Variants in SV2C observed in about 807,000 individuals in gnomAD.
SV2C encodes solute carrier family 22 member B3.
SV2C carries 49 observed loss-of-function variants against 79.7 expected under a neutral mutation model. The observed-to-expected ratio is 0.61, with a 90% CI of 0.49 to 0.78. The LOEUF is 0.78. Ranked by LOEUF, SV2C falls within the 30% of genes least tolerant of loss-of-function variation. The pLI is 0.00. For missense variants in SV2C, 833 were observed against 912.9 expected (o/e 0.91, Z 1.13); for synonymous variants, 334 against 333.2 (o/e 1.00, Z -0.03).
chr5:76,260,825 A>G (rs367892884), intron 4 of SV2C, among the ~76,000 whole-genome samples: 44 of 151,236 alleles, frequency 2.9e-4, no homozygotes, highest in East Asian at 1.7e-3. Flanking sequence ...TACCAGTACC[A>G]TGCTATCTTG....
chr5:76,242,312 G>C, intron 4 of SV2C: 2 of 1,467,068 alleles, frequency 1.4e-6, no homozygotes, highest in Non-Finnish European at 1.9e-6. Flanking sequence ...GGCAGCGACG[G>C]CAGCGGGACA....
At chr5:75,879,393 G>C in the SV2C span, among the ~76,000 whole-genome samples, 1 of 152,096 alleles carries the variant, frequency 6.6e-6, no homozygotes, top group Non-Finnish European at 1.5e-5. Context: ...GATACAATGG[G>C]ATACAGACAT....
the SV2C span, among the ~76,000 whole-genome samples, chr5:76,055,082 G>A: frequency 3.3e-5 from 5 of 152,154 alleles, no homozygotes; most frequent in Non-Finnish European, 5.9e-5. Context: ...CCATGCCTAT[G>A]TCCTGAATGG....
upstream of SV2C, among the ~76,000 whole-genome samples, chr5:76,080,802 C>T (rs557114781): frequency 6.6e-6 from 1 of 152,158 alleles, no homozygotes; most frequent in Admixed American, 6.5e-5. Flanking sequence ...TCACTCCATC[C>T]GCTTCTACAA....
At chr5:76,155,130 T>A (rs76252377) in intron 2 of SV2C, among the ~76,000 whole-genome samples, 2,228 of 152,334 alleles carry the variant, frequency 0.015, 59 homozygotes, top group African/African-American at 0.051. Context: ...TGGAGCCATC[T>A]GGCCTTCTAT....
chr5:76,086,260 T>C (rs1430724097), intron 1 of SV2C, among the ~76,000 whole-genome samples: 1 of 152,226 alleles, frequency 6.6e-6, no homozygotes, highest in Non-Finnish European at 1.5e-5. Flanking sequence ...TAATGTGCAA[T>C]ATATCACGTG....
the SV2C span, among the ~76,000 whole-genome samples, chr5:75,956,300 A>G: frequency 6.8e-6 from 1 of 147,840 alleles, no homozygotes; most frequent in Non-Finnish European, 1.5e-5. Context: ...GCAAGAACAA[A>G]AAACCAAACA....
the SV2C span, among the ~76,000 whole-genome samples, chr5:76,058,306 T>G: frequency 3.9e-5 from 6 of 152,094 alleles, no homozygotes; most frequent in Admixed American, 2.0e-4. Flanking sequence ...AGAAATTCAT[T>G]TCAGATCTTT....
the SV2C span, among the ~76,000 whole-genome samples, chr5:76,020,322 C>T: frequency 5.3e-5 from 8 of 152,268 alleles, no homozygotes; most frequent in Middle Eastern, 3.4e-3. Context: ...CAAATGTCTA[C>T]GGAATTTCAT....
At chr5:76,274,635 T>C (rs1746967047) in intron 4 of SV2C, among the ~76,000 whole-genome samples, 1 of 151,808 alleles carries the variant, frequency 6.6e-6, no homozygotes, top group African/African-American at 2.4e-5. Context: ...CTCCCCTCCA[T>C]GTGCCCCCCT....
the SV2C span, among the ~76,000 whole-genome samples, chr5:75,902,836 T>C: frequency 6.6e-6 from 1 of 152,200 alleles, no homozygotes; most frequent in Non-Finnish European, 1.5e-5. Flanking sequence ...GGTATTTATA[T>C]GGGATGTGTG....
chr5:76,217,163 G>A (rs1201410505), intron 4 of SV2C, among the ~76,000 whole-genome samples: 2 of 152,160 alleles, frequency 1.3e-5, no homozygotes, highest in Non-Finnish European at 2.9e-5. Context: ...AGATGTTATA[G>A]GGTCAAACTT....
chr5:76,335,048 A>T (rs1433647870), downstream of SV2C, among the ~76,000 whole-genome samples: 1 of 152,250 alleles, frequency 6.6e-6, no homozygotes, highest in South Asian at 2.1e-4. Context: ...CCAAGAATTC[A>T]GTTCCTTAGT....
the SV2C span, among the ~76,000 whole-genome samples, chr5:75,916,460 T>C: frequency 6.9e-6 from 1 of 145,156 alleles, no homozygotes; most frequent in Non-Finnish European, 1.5e-5. Context: ...CTCCTCCTTC[T>C]CTTCTTCCTC....
At chr5:75,954,091 C>A in the SV2C span, among the ~76,000 whole-genome samples, 1 of 151,934 alleles carries the variant, frequency 6.6e-6, no homozygotes, top group Non-Finnish European at 1.5e-5. Flanking sequence ...TTTGTCCTGG[C>A]ACACTGGAAC....
intron 3 of SV2C, among the ~76,000 whole-genome samples, chr5:76,202,925 A>G (rs1347299460): frequency 6.6e-6 from 1 of 152,238 alleles, no homozygotes; most frequent in East Asian, 1.9e-4. Flanking sequence ...TTAAATGACT[A>G]TATATTAAAA....
chr5:76,340,596 C>A (rs929382688), intron 12 of SV2C, among the ~76,000 whole-genome samples: 14 of 152,164 alleles, frequency 9.2e-5, no homozygotes, highest in African/African-American at 3.4e-4. Flanking sequence ...CCCACCAACT[C>A]AAACTGAAGA....
At chr5:76,258,680 G>C (rs1260032091) in intron 4 of SV2C, among the ~76,000 whole-genome samples, 4 of 152,130 alleles carry the variant, frequency 2.6e-5, no homozygotes, top group African/African-American at 9.7e-5. Context: ...CACTCTTTAT[G>C]ATTGAGGTTA....
At chr5:76,049,025 A>AAGAAAGAAAGAAAGAAAGAAAGAG in the SV2C span, among the ~76,000 whole-genome samples, 9 of 48,150 alleles carry the variant, frequency 1.9e-4, 1 homozygote, top group Non-Finnish European at 2.9e-4. Flanking sequence ...GAAAGAAAGA[A>AAGAAAGAAAGAAAGAAAGAAAGAG]AAAGAAAAGA....
Sources: gnomAD v4.1 joint callset for allele counts (sites outside exome capture counted in the v4.1 genomes callset) on GRCh38, gnomAD v4.1.1 for gene constraint, MANE v1.5 for transcripts, NCBI Gene and HGNC (gene_info 2026-07-23, HGNC 2026-07-21) for gene names.